Variants in ARHGAP44 observed in about 807,000 individuals in gnomAD.
The protein encoded by ARHGAP44 is Rho GTPase activating protein 44.
ARHGAP44 carries 43 observed loss-of-function variants against 106.8 expected under a neutral mutation model. The ratio of observed to expected loss-of-function variants is 0.40; its 90% CI spans 0.32 to 0.52. The LOEUF (loss-of-function observed/expected upper bound fraction) is 0.52, where lower values mean the gene tolerates loss of function less well. ARHGAP44 is among the 20% of genes least tolerant of loss of function. The probability of loss-of-function intolerance (pLI) is 0.48; values close to 1 mark genes in which losing one functional copy is unlikely to be tolerated. For missense variants in ARHGAP44, 866 were observed against 1,050.5 expected, an observed-to-expected ratio of 0.82 and a Z score of 2.43; for synonymous variants, 439 against 410.3, an observed-to-expected ratio of 1.07 and a Z score of -0.85.
chr17:12,942,490 T>C (rs914889828), intron 8 of ARHGAP44, among the ~76,000 whole-genome samples: 3 of 152,184 alleles, frequency 2.0e-5, no homozygotes, highest in African/African-American at 4.8e-5. Flanking sequence ...GTGTATTCCA[T>C]TGGTTGTATT....
chr17:12,808,277 T>C (rs1163170358), intron 1 of ARHGAP44, among the ~76,000 whole-genome samples: 1 of 152,236 alleles, frequency 6.6e-6, no homozygotes, highest in African/African-American at 2.4e-5. Flanking sequence ...TGGATGACGG[T>C]GGCCCTCTTC....
In ARHGAP44 at chr17:12,991,601, GTTGTCAAAAGTAACGTTA is replaced by G; in HGVS notation, c.*1433_*1450del. The G allele has an allele frequency of 5.5e-6, 1 of 181,284 alleles. No individual in the cohort carries two copies. The highest frequency in any genetic ancestry group is 1.2e-5 in the Non-Finnish European group (1 of 84,620). 11.2% of individuals were successfully genotyped at this position (181,284 alleles called of 1,614,324 possible). ...TTATCTTTAAATACATGTACAAATCGTTGTCAAAAGTAACGTTATTAAAATAGATTTATTATCCCTGAG... is the reference window on the plus strand; with the variant it reads ...TTATCTTTAAATACATGTACAAATCGTTAAAATAGATTTATTATCCCTGAG... On this transcript the variant is annotated 3_prime_UTR_variant, in exon 21 of 21. Coordinates refer to ENST00000379672, the MANE Select transcript of ARHGAP44 (RefSeq NM_014859.6).
chr17:12,910,325 G>T (rs969688428), intron 4 of ARHGAP44, among the ~76,000 whole-genome samples: 6 of 148,944 alleles, frequency 4.0e-5, no homozygotes, highest in Admixed American at 3.4e-4. Context: ...CTGAAAGTTA[G>T]ATTGACAAAA....
At chr17:12,852,988 G>C (rs1257084485) in intron 1 of ARHGAP44, among the ~76,000 whole-genome samples, 1 of 152,214 alleles carries the variant, frequency 6.6e-6, no homozygotes, top group African/African-American at 2.4e-5. Context: ...TCTCTAGAGG[G>C]ACAGGACTGA....
chr17:12,873,218 G>A (rs1327809561), intron 1 of ARHGAP44, among the ~76,000 whole-genome samples: 1 of 151,984 alleles, frequency 6.6e-6, no homozygotes, highest in Non-Finnish European at 1.5e-5. Context: ...TTATTTAATA[G>A]CCTTTCATTG....
At chr17:12,928,274 G>A (rs535763361) in intron 6 of ARHGAP44, among the ~76,000 whole-genome samples, 13 of 152,262 alleles carry the variant, frequency 8.5e-5, no homozygotes, top group African/African-American at 1.4e-4. Flanking sequence ...CTTAGCATAC[G>A]TCACTGGCTT....
chr17:12,862,031 A>G lies in ARHGAP44; in HGVS notation c.54-32909A>G, dbSNP rs185777860. ...TCAGTGTCTATCTGAACCATCTTCA[A>G]AGTCTCCTTTGCCATGTAAGGTAAC... On this transcript the variant is annotated intron_variant, in intron 1 of 20. Transcript: ENST00000379672. Among the ~76,000 whole-genome samples the G allele has an allele frequency of 7.2e-4, 109 of 152,258 alleles. 1 individual carries two copies. The highest frequency in any genetic ancestry group is 3.4e-3 in the Middle Eastern group (1 of 294).
chr17:12,934,748 T>C (rs7212783), intron 7 of ARHGAP44, among the ~76,000 whole-genome samples: 116,872 of 152,084 alleles, frequency 0.77, 45,584 homozygotes, highest in African/African-American at 0.9. Context: ...TCAAAGCCCC[T>C]AGAATATACA....
At chr17:12,880,170 CTTTG>C (rs1274361219) in intron 1 of ARHGAP44, among the ~76,000 whole-genome samples, 2 of 151,930 alleles carry the variant, frequency 1.3e-5, no homozygotes, top group Non-Finnish European at 2.9e-5. Context: ...ATACTTAGTA[CTTTG>C]TTTTTGTTAA....
At chr17:12,929,605 G>A (rs1429331401) in intron 7 of ARHGAP44, among the ~76,000 whole-genome samples, 1 of 152,194 alleles carries the variant, frequency 6.6e-6, no homozygotes, top group Non-Finnish European at 1.5e-5. Flanking sequence ...GTGTAATGAT[G>A]TCCTTCGTTG....
intron 1 of ARHGAP44, among the ~76,000 whole-genome samples, chr17:12,807,362 G>GT (rs1406704218): frequency 6.6e-6 from 1 of 152,168 alleles, no homozygotes; most frequent in African/African-American, 2.4e-5. Flanking sequence ...AGAACCAGAT[G>GT]TAGAGGATGT....
intron 1 of ARHGAP44, among the ~76,000 whole-genome samples, chr17:12,871,849 A>G (rs1442536978): frequency 3.9e-5 from 6 of 152,040 alleles, no homozygotes; most frequent in Non-Finnish European, 5.9e-5. Flanking sequence ...TTCACCTTCT[A>G]CCATGATTGT....
At chr17:12,912,780 A>G (rs147770881) in intron 4 of ARHGAP44, among the ~76,000 whole-genome samples, 134 of 152,336 alleles carry the variant, frequency 8.8e-4, no homozygotes, top group African/African-American at 3.1e-3. Flanking sequence ...TTCTGAAGGA[A>G]ACCATGCTCA....
chr17:12,833,731 A>T (rs1462997379), intron 1 of ARHGAP44, among the ~76,000 whole-genome samples: 3 of 152,200 alleles, frequency 2.0e-5, no homozygotes, highest in African/African-American at 7.2e-5. Context: ...CAATCAACAC[A>T]TGTAAGGTAT....
intron 1 of ARHGAP44, among the ~76,000 whole-genome samples, chr17:12,809,460 A>G (rs1233924032): frequency 6.6e-6 from 1 of 152,254 alleles, no homozygotes; most frequent in Non-Finnish European, 1.5e-5. Context: ...CTTACACGGC[A>G]GCAGACAAGA....
In ARHGAP44 at chr17:12,878,103, G is replaced by A. The variant is rs187938028; in HGVS notation, c.54-16837G>A. Among the ~76,000 whole-genome samples the A allele has an allele frequency of 2.0e-5, 3 of 152,320 alleles. No homozygotes were observed. The East Asian group carries it at 5.8e-4, about 29-fold the overall frequency. ...ATTTTTAGAGATTGGGAAATGACAG[G>A]TGAACTAAAATTAAGCCATTTTATG... is the stretch of plus-strand genomic sequence containing the variant. On this transcript the variant is annotated intron_variant, in intron 1 of 20. Transcript: ENST00000379672.
At chr17:12,971,613 G>A (rs1567716565) in intron 16 of ARHGAP44, among the ~76,000 whole-genome samples, 2 of 152,096 alleles carry the variant, frequency 1.3e-5, no homozygotes, top group Non-Finnish European at 2.9e-5. Context: ...TAAATACCAG[G>A]GGATGTAACC....
At chr17:12,978,076 A>C (rs1362603315) in intron 18 of ARHGAP44, among the ~76,000 whole-genome samples, 1 of 144,096 alleles carries the variant, frequency 6.9e-6, no homozygotes, top group Non-Finnish European at 1.5e-5. Flanking sequence ...GTGGCAGGGA[A>C]CAGAAGGAAG....
At chr17:12,880,138 A>G (rs1371345691) in intron 1 of ARHGAP44, among the ~76,000 whole-genome samples, 1 of 152,102 alleles carries the variant, frequency 6.6e-6, no homozygotes, top group Non-Finnish European at 1.5e-5. Flanking sequence ...TCTTGTAGGA[A>G]TCATTTATGT....
Sources: gnomAD v4.1 joint callset for allele counts (sites outside exome capture counted in the v4.1 genomes callset) on GRCh38, gnomAD v4.1.1 for gene constraint, MANE v1.5 for transcripts, NCBI Gene and HGNC (gene_info 2026-07-23, HGNC 2026-07-21) for gene names.